The following MYRIP variants were observed in gnomAD, a reference collection of about 807,000 sequenced individuals.
The protein encoded by MYRIP is rab effector MyRIP.
In MYRIP, 49 loss-of-function variants were observed where a neutral mutation model predicts 98.0. The observed-to-expected ratio is 0.50, with a 90% CI of 0.40 to 0.63. The LOEUF is 0.63. Among genes scored for constraint, MYRIP ranks in the 30% least tolerant of loss-of-function variants. The pLI is 0.00. For missense variants in MYRIP, 1,004 were observed against 1,058.2 expected, an observed-to-expected ratio of 0.95 and a Z score of 0.71; for synonymous variants, 404 against 409.5, an observed-to-expected ratio of 0.99 and a Z score of 0.16.
intron 3 of MYRIP, among the ~76,000 whole-genome samples, chr3:40,119,012 C>T (rs1949342739): frequency 6.6e-6 from 1 of 151,952 alleles, no homozygotes; most frequent in East Asian, 1.9e-4. Flanking sequence ...CAAGTCTTTG[C>T]TATTATGAAT....
intron 2 of MYRIP, among the ~76,000 whole-genome samples, chr3:39,977,362 A>C (rs183661264): frequency 3.9e-5 from 6 of 152,296 alleles, no homozygotes; most frequent in Middle Eastern, 3.4e-3. Flanking sequence ...CACCTGAATC[A>C]GCTTCCAGAA....
At chr3:39,950,733 C>T (rs1029883473) in intron 2 of MYRIP, among the ~76,000 whole-genome samples, 2 of 152,192 alleles carry the variant, frequency 1.3e-5, no homozygotes, top group Admixed American at 6.6e-5. Flanking sequence ...GGCTGATAGA[C>T]TCCAGCTTGA....
At position 40,209,871 on chromosome 3, in the gene MYRIP, A is replaced by G. The variant is rs753035429; in HGVS notation, c.1683A>G (p.Ser561=). 6.2e-7 allele frequency: 1 copy of G among 1,614,020 alleles called. No homozygotes were observed. Among genetic ancestry groups the G allele is most frequent in the Non-Finnish European group, 8.5e-7 (1 of 1,179,934 alleles). Residue 561 remains serine (S), a synonymous_variant, in exon 11 of 17, where the codon TCA becomes TCG. Transcript: ENST00000302541. ...TCATTTAGGTGTCGGATGATTTATC[A>G]GAGACAGACATCAGCAATGAGGCTC... The part of the protein sequence containing the change: ...LDTHQVSDDL[S]ETDISNEARD...
chr3:39,997,944 T>C (rs900184706), intron 2 of MYRIP, among the ~76,000 whole-genome samples: 1 of 152,074 alleles, frequency 6.6e-6, no homozygotes, highest in Non-Finnish European at 1.5e-5. Context: ...CACATAATTA[T>C]CTCAATAAAT....
At chr3:40,169,076 T>TC (rs1559431833) in intron 7 of MYRIP, among the ~76,000 whole-genome samples, 1 of 151,784 alleles carries the variant, frequency 6.6e-6, no homozygotes, top group Non-Finnish European at 1.5e-5. Flanking sequence ...ACAAATGATC[T>TC]CCCCCCATAT....
At position 39,986,440 on chromosome 3, in the gene MYRIP, C is replaced by G. The variant is rs548258097; in HGVS notation, c.111-57610C>G. ...CCCCACTCCCTCTCTGTCTCTTTCT[C>G]TCCCTCTCTCTCTCCCTCTCTCTCT... On this transcript the variant is annotated intron_variant, in intron 2 of 16. Transcript: ENST00000302541. Among the ~76,000 whole-genome samples, 3 of 146,500 alleles carry G rather than the reference C, an allele frequency of 2.0e-5. No individual in the cohort carries two copies. In the South Asian group the frequency reaches 6.5e-4, roughly 32 times the overall value.
chr3:39,912,436 A>C (rs1226001416), intron 2 of MYRIP, among the ~76,000 whole-genome samples: 2 of 152,260 alleles, frequency 1.3e-5, no homozygotes, highest in Non-Finnish European at 2.9e-5. Context: ...AAAGTCTTCC[A>C]CTGATGTTGG....
At chr3:39,880,627 C>CT (rs901041014) in intron 1 of MYRIP, among the ~76,000 whole-genome samples, 1 of 152,154 alleles carries the variant, frequency 6.6e-6, no homozygotes, top group African/African-American at 2.4e-5. Flanking sequence ...GTTACTTGGT[C>CT]TTTTTTTGCT....
chr3:40,214,606 G>T (rs967634234), intron 11 of MYRIP, among the ~76,000 whole-genome samples: 1 of 152,166 alleles, frequency 6.6e-6, no homozygotes, highest in Non-Finnish European at 1.5e-5. Flanking sequence ...AACGAGCTTG[G>T]AGCCAGATCA....
intron 1 of MYRIP, among the ~76,000 whole-genome samples, chr3:39,858,039 T>C (rs1361941405): frequency 1.3e-5 from 2 of 152,178 alleles, no homozygotes; most frequent in Admixed American, 6.5e-5. Flanking sequence ...AGTCCTTACC[T>C]ATGAATAATT....
intron 11 of MYRIP, among the ~76,000 whole-genome samples, chr3:40,218,435 G>A (rs1217699162): frequency 6.6e-6 from 1 of 151,532 alleles, no homozygotes; most frequent in Non-Finnish European, 1.5e-5. Context: ...AGAGACATAA[G>A]GGAATTTTTT....
At chr3:40,017,620 T>A (rs1036651716) in intron 2 of MYRIP, among the ~76,000 whole-genome samples, 1 of 151,598 alleles carries the variant, frequency 6.6e-6, no homozygotes, top group Non-Finnish European at 1.5e-5. Flanking sequence ...AACAATTTCC[T>A]AAATTCATTT....
At chr3:40,066,230 T>C (rs1471616370) in intron 3 of MYRIP, among the ~76,000 whole-genome samples, 2 of 152,142 alleles carry the variant, frequency 1.3e-5, no homozygotes, top group African/African-American at 4.8e-5. Flanking sequence ...CTTGCAACTT[T>C]TTACTGCCCT....
At chr3:40,032,185 T>A (rs1445934480) in intron 2 of MYRIP, among the ~76,000 whole-genome samples, 1 of 152,180 alleles carries the variant, frequency 6.6e-6, no homozygotes, top group East Asian at 1.9e-4. Flanking sequence ...TCTGGTATGT[T>A]GTGTCTTTGT....
chr3:39,826,244 A>C (rs1299362317), intron 1 of MYRIP, among the ~76,000 whole-genome samples: 1 of 151,794 alleles, frequency 6.6e-6, no homozygotes, highest in Non-Finnish European at 1.5e-5. Flanking sequence ...TTTTCTTGAG[A>C]TACATCGTTA....
rs1950928294 is a variant in MYRIP, at chr3:40,182,983, T to C, written c.1027+610T>C. ...AAGTACCCCTGGCCTGTGGGAAGCC[T>C]TCAGAGGCCAAAGTACAAGGTTCCC... is the stretch of plus-strand genomic sequence containing the variant. On this transcript the variant is annotated intron_variant, in intron 9 of 16. Coordinates refer to ENST00000302541, the MANE Select transcript of MYRIP (RefSeq NM_015460.4). Among the ~76,000 whole-genome samples the C allele has an allele frequency of 2.6e-5, 4 of 152,192 alleles. No individual in the cohort carries two copies. The South Asian group carries it at 8.3e-4, about 32-fold the overall frequency.
At chr3:40,155,853 T>C (rs1250802568) in intron 4 of MYRIP, among the ~76,000 whole-genome samples, 1 of 151,856 alleles carries the variant, frequency 6.6e-6, no homozygotes, top group Non-Finnish European at 1.5e-5. Context: ...GTTTTTTTCT[T>C]GTAAATTTGT....
intron 3 of MYRIP, among the ~76,000 whole-genome samples, chr3:40,150,639 A>G (rs533512027): frequency 2.3e-4 from 35 of 152,308 alleles, no homozygotes; most frequent in South Asian, 4.1e-4. Flanking sequence ...CTTTGGAGTG[A>G]CTCAGTGGAT....
chr3:39,900,952 C>T (rs534211883), intron 2 of MYRIP, 26 bp downstream of exon 2: 20 of 1,562,258 alleles, frequency 1.3e-5, no homozygotes, highest in Middle Eastern at 3.3e-4. Flanking sequence ...TGCTCAGCAG[C>T]GTACAGCAAA....
Sources: allele counts gnomAD v4.1 joint callset (sites outside exome capture counted in the v4.1 genomes callset), GRCh38; gene constraint gnomAD v4.1.1; transcripts MANE v1.5; gene names NCBI Gene and HGNC (gene_info 2026-07-23, HGNC 2026-07-21).